The following TRHDE variants were observed in gnomAD, a reference collection of about 807,000 sequenced individuals.
TRHDE encodes the protein thyrotropin releasing hormone degrading enzyme.
A neutral mutation model predicts 125.7 loss-of-function variants in TRHDE; 72 were observed. The ratio of observed to expected loss-of-function variants is 0.57; its 90% CI spans 0.47 to 0.70. The LOEUF (loss-of-function observed/expected upper bound fraction) is 0.70. Ranked by LOEUF, TRHDE falls within the 30% of genes least tolerant of loss-of-function variation. The pLI is 0.00. For synonymous variants in TRHDE, 509 were observed against 509.1 expected, an observed-to-expected ratio of 1.00 and a Z score of 0.00; for missense variants, 1,110 against 1,327.1, an observed-to-expected ratio of 0.84 and a Z score of 2.54.
chr12:72,520,655 T>C (rs1308823135), intron 6 of TRHDE, among the ~76,000 whole-genome samples: 1 of 152,214 alleles, frequency 6.6e-6, no homozygotes, highest in African/African-American at 2.4e-5. Flanking sequence ...TTCGGCCATC[T>C]TCTTCACTTA....
intron 15 of TRHDE, among the ~76,000 whole-genome samples, chr12:72,639,819 G>A (rs982861589): frequency 6.6e-6 from 1 of 152,192 alleles, no homozygotes; most frequent in East Asian, 1.9e-4. Flanking sequence ...TGCTCGGGGG[G>A]TCAGCAGTCA....
intron 3 of TRHDE, among the ~76,000 whole-genome samples, chr12:72,401,258 C>T (rs1183502125): frequency 6.6e-6 from 1 of 152,184 alleles, no homozygotes; most frequent in African/African-American, 2.4e-5. Flanking sequence ...ACTACGGCAA[C>T]AATAATAGCT....
intron 2 of TRHDE, among the ~76,000 whole-genome samples, chr12:72,118,227 A>G (rs1283628755): frequency 6.6e-6 from 1 of 152,040 alleles, no homozygotes; most frequent in Non-Finnish European, 1.5e-5. Flanking sequence ...TGTTCCTTCT[A>G]TACCCAGTTT....
At chr12:72,139,718 A>T (rs1176595635) in intron 2 of TRHDE, among the ~76,000 whole-genome samples, 1 of 152,194 alleles carries the variant, frequency 6.6e-6, no homozygotes, top group Non-Finnish European at 1.5e-5. Context: ...TCAGTTTCAT[A>T]TTGAAAATAA....
At chr12:72,383,893 C>T (rs1464385556) in intron 3 of TRHDE, among the ~76,000 whole-genome samples, 2 of 151,974 alleles carry the variant, frequency 1.3e-5, no homozygotes, top group African/African-American at 4.8e-5. Flanking sequence ...ATTCAGAGAT[C>T]AAAATATAGC....
chr12:72,140,935 A>G (rs1448560983), intron 2 of TRHDE, among the ~76,000 whole-genome samples: 1 of 152,234 alleles, frequency 6.6e-6, no homozygotes, highest in Non-Finnish European at 1.5e-5. Context: ...GCTAAGCTGA[A>G]AACAATCAGA....
At chr12:72,521,808 C>T (rs189673126) in intron 6 of TRHDE, among the ~76,000 whole-genome samples, 33 of 152,272 alleles carry the variant, frequency 2.2e-4, no homozygotes, top group Middle Eastern at 3.4e-3. Context: ...AGGAACCTTG[C>T]TACTAAATTG....
chr12:72,198,397 A>G (rs533684662), intron 2 of TRHDE, among the ~76,000 whole-genome samples: 1 of 152,228 alleles, frequency 6.6e-6, no homozygotes, highest in African/African-American at 2.4e-5. Context: ...CTTTATGAGG[A>G]CAGGGATTAT....
At chr12:72,115,685 T>C (rs1875427193) in intron 2 of TRHDE, among the ~76,000 whole-genome samples, 1 of 152,194 alleles carries the variant, frequency 6.6e-6, no homozygotes, top group Non-Finnish European at 1.5e-5. Context: ...AATGGTTCCC[T>C]TTCCTCCACA....
chr12:72,115,648 T>C (rs1333029841), intron 2 of TRHDE, among the ~76,000 whole-genome samples: 1 of 152,166 alleles, frequency 6.6e-6, no homozygotes, highest in African/African-American at 2.4e-5. Context: ...GTGGTTGTAC[T>C]AATTTATATT....
At chr12:72,385,168 A>G (rs1455557647) in intron 3 of TRHDE, among the ~76,000 whole-genome samples, 7 of 152,088 alleles carry the variant, frequency 4.6e-5, no homozygotes, top group East Asian at 1.9e-4. Context: ...TTCTTTATAT[A>G]TAGTTTGGTA....
At chr12:72,269,600 G>T (rs770240524), upstream of TRHDE, among the ~76,000 whole-genome samples, 7 of 152,272 alleles carry the variant, frequency 4.6e-5, no homozygotes, top group Non-Finnish European at 8.8e-5. Context: ...ACTGAGAACC[G>T]TGAGTGAGGG....
At chr12:72,592,846 G>C (rs967811465) in intron 12 of TRHDE, among the ~76,000 whole-genome samples, 10 of 151,926 alleles carry the variant, frequency 6.6e-5, no homozygotes, top group Non-Finnish European at 1.3e-4. Context: ...GAGTAGCTGG[G>C]ATTACAGACA....
intron 2 of TRHDE, among the ~76,000 whole-genome samples, chr12:72,312,276 C>G (rs1287939057): frequency 2.0e-5 from 3 of 152,184 alleles, no homozygotes; most frequent in Non-Finnish European, 4.4e-5. Context: ...CTCTATTTAT[C>G]TACCAGCTAA....
chr12:72,175,270 T>G (rs901172431), intron 2 of TRHDE, among the ~76,000 whole-genome samples: 1 of 152,210 alleles, frequency 6.6e-6, no homozygotes, highest in Admixed American at 6.5e-5. Context: ...GTGACTGACT[T>G]TTTTCATTTA....
intron 6 of TRHDE, among the ~76,000 whole-genome samples, chr12:72,515,423 G>C (rs1348300423): frequency 6.6e-6 from 1 of 151,200 alleles, no homozygotes; most frequent in African/African-American, 2.4e-5. Context: ...TTTTTTGGCT[G>C]CATAAATGTC....
chr12:72,612,434 A>G (rs184660215), intron 12 of TRHDE, among the ~76,000 whole-genome samples: 1 of 152,208 alleles, frequency 6.6e-6, no homozygotes, highest in Non-Finnish European at 1.5e-5. Context: ...GAAAGCACTT[A>G]ACCCTAATTC....
chr12:72,423,855 A>G (rs544849854), intron 3 of TRHDE, among the ~76,000 whole-genome samples: 3 of 152,210 alleles, frequency 2.0e-5, no homozygotes, highest in African/African-American at 7.2e-5. Flanking sequence ...AGCAGAGTTC[A>G]GAGTGATGTC....
At chr12:72,165,573 A>G (rs1437334194) in intron 2 of TRHDE, among the ~76,000 whole-genome samples, 2 of 152,018 alleles carry the variant, frequency 1.3e-5, no homozygotes, top group South Asian at 2.1e-4. Context: ...TATTTTTCCA[A>G]TTCCTGAGTA....
Sources: gnomAD v4.1 joint callset for allele counts (sites outside exome capture counted in the v4.1 genomes callset) on GRCh38, gnomAD v4.1.1 for gene constraint, MANE v1.5 for transcripts, NCBI Gene and HGNC (gene_info 2026-07-23, HGNC 2026-07-21) for gene names.